GRIP1: variants seen among roughly 807,000 people sequenced by gnomAD.
GRIP1 encodes the protein glutamate receptor-interacting protein 1.
A neutral mutation model predicts 129.9 loss-of-function variants in GRIP1; 45 were observed. The observed-to-expected ratio is 0.35, with a 90% confidence interval of 0.27 to 0.44. The LOEUF (loss-of-function observed/expected upper bound fraction) is 0.44, where lower values mean the gene tolerates loss of function less well. Among genes scored for constraint, GRIP1 ranks in the 20% least tolerant of loss-of-function variants. The probability of loss-of-function intolerance (pLI) is 1.00; values close to 1 mark genes in which losing one functional copy is unlikely to be tolerated. For synonymous variants in GRIP1, 530 were observed against 520.8 expected, an observed-to-expected ratio of 1.02 and a Z score of -0.24; for missense variants, 1,196 against 1,396.8, an observed-to-expected ratio of 0.86 and a Z score of 2.29.
intron 4 of GRIP1, among the ~76,000 whole-genome samples, chr12:66,537,038 G>A (rs773415589): frequency 6.6e-6 from 1 of 152,008 alleles, no homozygotes; most frequent in Non-Finnish European, 1.5e-5. Flanking sequence ...TTTGGAGTCT[G>A]GCAGCCTGGA....
chr12:67,035,258 G>A (rs12304757), intron 1 of GRIP1, among the ~76,000 whole-genome samples: 8,933 of 152,196 alleles, frequency 0.059, 665 homozygotes, highest in African/African-American at 0.17. Context: ...GGGCTTCGCA[G>A]AAGCTCTTTT....
intron 1 of GRIP1, among the ~76,000 whole-genome samples, chr12:66,926,755 G>T (rs902217212): frequency 9.2e-5 from 14 of 152,188 alleles, no homozygotes; most frequent in Non-Finnish European, 1.8e-4. Context: ...CTCTCATTCA[G>T]CATGGAATAG....
chr12:66,705,362 C>A (rs1334424108), intron 1 of GRIP1, among the ~76,000 whole-genome samples: 3 of 151,946 alleles, frequency 2.0e-5, no homozygotes, highest in Admixed American at 1.3e-4. Context: ...TATGAGGAGC[C>A]TCTTCAAAAA....
Position 66,353,452 on chromosome 12 carries a change from G to C in GRIP1, c.3124C>G (p.Leu1042Val). The part of the protein sequence containing the change: ...KNIRPAGPGD[L>V]GGLKPYDRLL... ...CTGTCATAGGGCTTTAAGCCACCAA[G>C]ATCTCCTGGCCCAGCTGGGCGAATA... The change falls in exon 24 of 25, where the codon CTT becomes GTT. Residue 1042 changes from leucine to valine, a missense_variant. Coordinates refer to ENST00000359742, the MANE Select transcript of GRIP1 (RefSeq NM_001366722.1). 1 of 1,612,888 alleles carries C rather than the reference G, an allele frequency of 6.2e-7. No individual in the cohort carries two copies. The highest frequency in any genetic ancestry group is 1.7e-5 in the Admixed American group (1 of 60,022).
intron 7 of GRIP1, among the ~76,000 whole-genome samples, chr12:66,511,438 T>C (rs7960316): frequency 0.49 from 74,808 of 152,080 alleles, 18,954 homozygotes; most frequent in African/African-American, 0.62. Flanking sequence ...TAACACTTAA[T>C]TGTGTCTTAA....
chr12:66,374,184 A>G (rs1223099314), intron 22 of GRIP1, among the ~76,000 whole-genome samples: 3 of 151,742 alleles, frequency 2.0e-5, no homozygotes, highest in African/African-American at 4.8e-5. Context: ...TATAATTTCT[A>G]TGTTTTTTAT....
intron 1 of GRIP1, among the ~76,000 whole-genome samples, chr12:66,952,422 T>C (rs575433980): frequency 1.3e-5 from 2 of 152,358 alleles, no homozygotes; most frequent in African/African-American, 4.8e-5. Context: ...TTCTCCGTTA[T>C]AAATGTCAAG....
At chr12:66,595,517 G>A (rs2064015473) in intron 2 of GRIP1, among the ~76,000 whole-genome samples, 1 of 152,190 alleles carries the variant, frequency 6.6e-6, no homozygotes, top group South Asian at 2.1e-4. Flanking sequence ...GGGTAGCCAA[G>A]AAAGAATTGA....
At chr12:66,686,832 G>T (rs543744781) in intron 1 of GRIP1, among the ~76,000 whole-genome samples, 1 of 152,190 alleles carries the variant, frequency 6.6e-6, no homozygotes, top group African/African-American at 2.4e-5. Flanking sequence ...TGAGGCAGGA[G>T]GATCACTTGA....
chr12:66,788,847 G>T (rs1158841386), intron 1 of GRIP1, among the ~76,000 whole-genome samples: 1 of 152,072 alleles, frequency 6.6e-6, no homozygotes, highest in Non-Finnish European at 1.5e-5. Flanking sequence ...ATGAACCCGA[G>T]TATCCAGCTA....
At chr12:66,636,413 T>C (rs1489833532) in intron 1 of GRIP1, among the ~76,000 whole-genome samples, 1 of 152,188 alleles carries the variant, frequency 6.6e-6, no homozygotes, top group Non-Finnish European at 1.5e-5. Flanking sequence ...GTAAAGTTTG[T>C]TGTGAATGTT....
At chr12:66,605,853 TAG>T (rs2064500042) in intron 1 of GRIP1, among the ~76,000 whole-genome samples, 1 of 152,224 alleles carries the variant, frequency 6.6e-6, no homozygotes, top group Non-Finnish European at 1.5e-5. Context: ...CACCACTGTT[TAG>T]ACTCAGTTTC....
intron 7 of GRIP1, among the ~76,000 whole-genome samples, chr12:66,492,257 A>G (rs971537821): frequency 6.6e-6 from 1 of 152,182 alleles, no homozygotes; most frequent in African/African-American, 2.4e-5. Context: ...CTAAAAGCCA[A>G]TTTACTTGGA....
In GRIP1 at chr12:66,700,581, A is replaced by T. The variant is rs146733232; in HGVS notation, c.-419-70245T>A. Reference sequence around the variant, plus strand: ...TCCCGCCTCAGGCTCCTGAGTAGCTAGGATGACAGGTGCATGCCACTGTGC... The same window carrying T: ...TCCCGCCTCAGGCTCCTGAGTAGCTTGGATGACAGGTGCATGCCACTGTGC... On this transcript the variant is annotated intron_variant, in intron 1 of 4. Coordinates refer to the GRIP1 transcript ENST00000538373. Among the ~76,000 whole-genome samples, 1,405 of 152,222 alleles carry T rather than the reference A, an allele frequency of 9.2e-3. 5 individuals are homozygous for T. Among genetic ancestry groups the T allele is most frequent in the Non-Finnish European group, 0.014 (973 of 68,006 alleles).
chr12:66,546,426 G>A (rs1416609193), intron 2 of GRIP1, among the ~76,000 whole-genome samples: 2 of 151,982 alleles, frequency 1.3e-5, no homozygotes, highest in African/African-American at 4.8e-5. Context: ...GGAGGTCAAG[G>A]CTGCAGTAAG....
At chr12:66,800,533 A>G (rs1446333280) in intron 1 of GRIP1, among the ~76,000 whole-genome samples, 1 of 152,180 alleles carries the variant, frequency 6.6e-6, no homozygotes, top group Non-Finnish European at 1.5e-5. Flanking sequence ...TTTAATATAC[A>G]TTATCTGTCT....
chr12:66,901,993 G>A (rs1462190139), intron 1 of GRIP1, among the ~76,000 whole-genome samples: 1 of 152,188 alleles, frequency 6.6e-6, no homozygotes, highest in African/African-American at 2.4e-5. Context: ...CATATGGGCA[G>A]AAAACATGAG....
At chr12:66,843,377 T>A (rs2039755382) in intron 1 of GRIP1, among the ~76,000 whole-genome samples, 1 of 152,162 alleles carries the variant, frequency 6.6e-6, no homozygotes, top group African/African-American at 2.4e-5. Context: ...ATTTAGGAGC[T>A]CCTTATTCAT....
At chr12:66,625,395 C>G (rs1442688208) in intron 1 of GRIP1, among the ~76,000 whole-genome samples, 3 of 152,028 alleles carry the variant, frequency 2.0e-5, no homozygotes, top group Non-Finnish European at 4.4e-5. Flanking sequence ...GAATAGATGA[C>G]CAGTAGATCT....
Sources: gnomAD v4.1 joint callset for allele counts (sites outside exome capture counted in the v4.1 genomes callset) on GRCh38, gnomAD v4.1.1 for gene constraint, MANE v1.5 for transcripts, NCBI Gene and HGNC (gene_info 2026-07-23, HGNC 2026-07-21) for gene names.